AZGP1: variants seen among roughly 807,000 people sequenced by gnomAD.
AZGP1 encodes the protein zinc-alpha-2-glycoprotein.
A neutral mutation model predicts 31.5 loss-of-function variants in AZGP1; 28 were observed. The ratio of observed to expected loss-of-function variants is 0.89; its 90% CI spans 0.66 to 1.22. AZGP1 has a LOEUF of 1.22. Among genes scored for constraint, AZGP1 ranks in the 50% most tolerant of loss-of-function variants. The pLI, the probability that AZGP1 is intolerant of heterozygous loss-of-function variation, is 0.00. For missense variants in AZGP1, 361 were observed against 371.8 expected (o/e 0.97, Z 0.24); for synonymous variants, 135 against 145.4 (o/e 0.93, Z 0.51).
intron 2 of AZGP1, among the ~76,000 whole-genome samples, chr7:99,970,981 C>T (rs1214071710): frequency 6.6e-6 from 1 of 152,184 alleles, no homozygotes; most frequent in Non-Finnish European, 1.5e-5. Flanking sequence ...CTCCTCTGAC[C>T]ATAGCGCAGG....
At chr7:99,975,028 C>G (rs1789635316) in intron 1 of AZGP1, among the ~76,000 whole-genome samples, 1 of 152,152 alleles carries the variant, frequency 6.6e-6, no homozygotes, top group Admixed American at 6.5e-5. Context: ...TTACTCCTCC[C>G]AATAGTGTGA....
chr7:99,969,995 A>G (rs1194834991), intron 2 of AZGP1, among the ~76,000 whole-genome samples: 4 of 152,178 alleles, frequency 2.6e-5, no homozygotes, highest in Middle Eastern at 3.2e-3. Context: ...CTGTTGGCAT[A>G]GACTCTGAAA....
chr7:99,968,860 G>A, intron 2 of AZGP1: 1 of 169,784 alleles, frequency 5.9e-6, no homozygotes, highest in Non-Finnish European at 1.2e-5. Context: ...CTACTCAGGA[G>A]GCTGAGGTGG....
chr7:99,969,425 T>A (rs1424901965), intron 2 of AZGP1, among the ~76,000 whole-genome samples: 3 of 95,798 alleles, frequency 3.1e-5, no homozygotes, highest in Non-Finnish European at 6.9e-5. Context: ...AAAAAAAAAA[T>A]TAACCAGGAG....
chr7:99,975,718 T>C (rs1562799649), intron 1 of AZGP1, among the ~76,000 whole-genome samples: 1 of 152,064 alleles, frequency 6.6e-6, no homozygotes, highest in African/African-American at 2.4e-5. Context: ...CACTGTAAAC[T>C]AGGGGTTTTA....
At chr7:99,975,617 C>T (rs147748863) in intron 1 of AZGP1, among the ~76,000 whole-genome samples, 1 of 152,176 alleles carries the variant, frequency 6.6e-6, no homozygotes, top group Non-Finnish European at 1.5e-5. Context: ...AGGGAAGGAA[C>T]AGGAGCAGAA....
At chr7:99,975,841 G>T in intron 1 of AZGP1, 104 bp downstream of exon 1, 1 of 1,279,208 alleles carries the variant, frequency 7.8e-7, no homozygotes. Flanking sequence ...CCTGCCGTAT[G>T]CCAGGGTATC....
At chr7:99,971,703 C>A in intron 2 of AZGP1, 43 bp downstream of exon 2, 1 of 1,588,940 alleles carries the variant, frequency 6.3e-7, no homozygotes. Flanking sequence ...GGGGCTGCCT[C>A]TTGGGTTAGA....
At chr7:99,973,714 G>A (rs1222122722) in intron 1 of AZGP1, among the ~76,000 whole-genome samples, 4 of 148,720 alleles carry the variant, frequency 2.7e-5, no homozygotes, top group Non-Finnish European at 6.0e-5. Flanking sequence ...TCAGGAGTTC[G>A]AAACCAGCCT....
intron 2 of AZGP1, among the ~76,000 whole-genome samples, chr7:99,970,878 A>G (rs139527091): frequency 0.02 from 3,078 of 152,262 alleles, 57 homozygotes; most frequent in Middle Eastern, 0.044. Context: ...ACCAGACCTG[A>G]GGTTGGCTGC....
In AZGP1 at chr7:99,976,005, G is replaced by A. The variant is rs151090185; in HGVS notation, c.16C>T (p.Pro6Ser). The stretch of plus-strand genomic sequence containing the variant: ...AGCAGCAGCAGAGACAGCAGGACAG[G>A]CACCATTCTTACCATTGTGTCTGCT... MVRMV[P>S]VLLSLLLLLG... The change falls in exon 1 of 4, where the codon CCT becomes TCT. Residue 6 changes from proline to serine, a missense_variant. Pro to Ser is a moderately conservative substitution (Grantham distance 74). Transcript: ENST00000292401. 1.8e-4 allele frequency: 294 copies of A among 1,613,942 alleles called. 1 individual carries two copies. The highest frequency in any genetic ancestry group is 5.4e-4 in the South Asian group (49 of 91,090).
chr7:99,975,576 C>CGT (rs1789647783), intron 1 of AZGP1, among the ~76,000 whole-genome samples: 1 of 152,098 alleles, frequency 6.6e-6, no homozygotes, highest in Admixed American at 6.6e-5. Context: ...TTTCCCTCAG[C>CGT]GTCAGGCAGG....
intron 3 of AZGP1, 22 bp from the exon 4 acceptor site, chr7:99,967,308 C>A: frequency 1.9e-6 from 3 of 1,607,170 alleles, no homozygotes; most frequent in Non-Finnish European, 2.5e-6. Flanking sequence ...TAGAGTGTGA[C>A]ACTGCAGGCT....
At chr7:99,967,424 A>T (rs1789503210) in intron 3 of AZGP1, 138 bp from the exon 4 acceptor site, 1 of 976,144 alleles carries the variant, frequency 1.0e-6, no homozygotes, top group Admixed American at 2.9e-5. Context: ...GCCCCGGGAG[A>T]CTTTCCAGAA....
intron 3 of AZGP1, 187 bp downstream of exon 3, chr7:99,967,968 G>T: frequency 1.2e-6 from 1 of 858,668 alleles, no homozygotes. Flanking sequence ...CTGAAATTTT[G>T]ATGATGTTCT....
At chr7:99,974,259 A>G (rs1011721697) in intron 1 of AZGP1, among the ~76,000 whole-genome samples, 2 of 150,754 alleles carry the variant, frequency 1.3e-5, no homozygotes, top group African/African-American at 4.9e-5. Flanking sequence ...CAAAAATAAT[A>G]ATAATAATCA....
intron 2 of AZGP1, among the ~76,000 whole-genome samples, chr7:99,969,135 G>T (rs566775570): frequency 1.3e-5 from 2 of 151,886 alleles, no homozygotes; most frequent in Non-Finnish European, 2.9e-5. Context: ...TAGGCTGGAC[G>T]CAGTGGCTCA....
intron 2 of AZGP1, chr7:99,968,802 A>C: frequency 4.3e-6 from 1 of 234,884 alleles, no homozygotes; most frequent in Non-Finnish European, 8.2e-6. Context: ...ACCACTACAA[A>C]AAATATAAAA....
intron 2 of AZGP1, 93 bp downstream of exon 2, chr7:99,971,653 A>T (rs967442631): frequency 1.4e-6 from 2 of 1,446,438 alleles, no homozygotes; most frequent in African/African-American, 1.4e-5. Flanking sequence ...TGGGATTGGG[A>T]CTATTTCCAT....
Sources: gnomAD v4.1 joint callset for allele counts (sites outside exome capture counted in the v4.1 genomes callset) on GRCh38, gnomAD v4.1.1 for gene constraint, MANE v1.5 for transcripts, NCBI Gene and HGNC (gene_info 2026-07-23, HGNC 2026-07-21) for gene names.